TRIM37: variants seen among roughly 807,000 people sequenced by gnomAD.
The protein encoded by TRIM37 is E3 ubiquitin-protein ligase TRIM37.
Under a neutral mutation model 129.8 loss-of-function variants are expected in TRIM37, and 80 were observed. The ratio of observed to expected loss-of-function variants is 0.62; its 90% confidence interval spans 0.51 to 0.74. The LOEUF (loss-of-function observed/expected upper bound fraction) is 0.74, where lower values mean the gene tolerates loss of function less well. TRIM37 is among the 30% of genes least tolerant of loss of function. TRIM37 has a pLI of 0.00. For synonymous variants in TRIM37, 389 were observed against 387.1 expected, an observed-to-expected ratio of 1.00 and a Z score of -0.06; for missense variants, 1,054 against 1,176.5, an observed-to-expected ratio of 0.90 and a Z score of 1.52.
exon 25 of TRIM37, chr17:58,982,750 C>T (rs778545325): frequency 2.8e-5 from 16 of 561,654 alleles, no homozygotes; most frequent in South Asian, 2.1e-4. Flanking sequence ...CTTCTTCTCA[C>T]GTCTGTGACA....
rs1462137045 is a variant in TRIM37 at position 59,079,731 on chromosome 17, C to T, written c.616+23G>A. 4 of 1,613,572 alleles carry T rather than the reference C, an allele frequency of 2.5e-6. No individual in the cohort carries two copies. The Admixed American group carries it at 6.7e-5, about 27-fold the overall frequency. On this transcript the variant is annotated intron_variant, in intron 7 of 23. Transcript: ENST00000262294. ...AAGAAGCTGAAAGCACCAGGTACCC[C>T]AGCAGCATACATAAACACTTACCCA...
downstream of TRIM37, among the ~76,000 whole-genome samples, chr17:58,997,106 C>T (rs35952494): frequency 0.14 from 21,933 of 152,052 alleles, 1,999 homozygotes; most frequent in Non-Finnish European, 0.21. Context: ...AGAAAAAGAA[C>T]ATTTGTGAAA....
chr17:58,995,038 T>C (rs547425314), downstream of TRIM37, among the ~76,000 whole-genome samples: 1 of 152,254 alleles, frequency 6.6e-6, no homozygotes, highest in Non-Finnish European at 1.5e-5. Context: ...CATGAGCCAC[T>C]GTGCCCGGCC....
chr17:59,038,314 A>T (rs2038781983), intron 17 of TRIM37, among the ~76,000 whole-genome samples: 1 of 152,198 alleles, frequency 6.6e-6, no homozygotes. Flanking sequence ...TTGTTCATAA[A>T]TATACTCACC....
At chr17:59,054,058 T>C (rs893246496) in intron 13 of TRIM37, among the ~76,000 whole-genome samples, 4 of 152,316 alleles carry the variant, frequency 2.6e-5, no homozygotes, top group South Asian at 2.1e-4. Context: ...GCTGATATGA[T>C]AGCAACTCAT....
At chr17:59,071,668 C>A (rs1229399157) in intron 8 of TRIM37, among the ~76,000 whole-genome samples, 3 of 151,128 alleles carry the variant, frequency 2.0e-5, no homozygotes, top group African/African-American at 7.3e-5. Context: ...CCCGTGTGTA[C>A]ACACACACAC....
chr17:58,990,012 C>T (rs1218518668), intron 24 of TRIM37, among the ~76,000 whole-genome samples: 3 of 150,262 alleles, frequency 2.0e-5, no homozygotes, highest in African/African-American at 7.4e-5. Flanking sequence ...GCAGTGAGAC[C>T]CCCTCTGAAA....
intron 7 of TRIM37, among the ~76,000 whole-genome samples, chr17:59,077,134 G>A (rs2042877621): frequency 6.6e-6 from 1 of 151,940 alleles, no homozygotes; most frequent in African/African-American, 2.4e-5. Flanking sequence ...TCATTCTGTT[G>A]CCCAGGCTGG....
At chr17:58,989,218 C>T (rs1168106535) in intron 24 of TRIM37, among the ~76,000 whole-genome samples, 4 of 151,890 alleles carry the variant, frequency 2.6e-5, no homozygotes, top group African/African-American at 9.7e-5. Context: ...GGAGGATTGC[C>T]TGAGGTCATG....
Position 58,999,231 on chromosome 17 carries a change from C to T in TRIM37, c.*146G>A. On this transcript the variant is annotated 3_prime_UTR_variant, in exon 24 of 24. Transcript: ENST00000262294. The stretch of plus-strand genomic sequence containing the variant: ...TCTTAGACTAAACTGTGCCACCTTC[C>T]AACAGTTTCCAAATTACTATTTCAG... The T allele has an allele frequency of 6.4e-7, 1 of 1,560,612 alleles. No individual in the cohort carries two copies. Among genetic ancestry groups the T allele is most frequent in the Non-Finnish European group, 8.7e-7 (1 of 1,155,290 alleles).
At chr17:59,039,915 T>C (rs1433412959) in intron 17 of TRIM37, among the ~76,000 whole-genome samples, 1 of 152,140 alleles carries the variant, frequency 6.6e-6, no homozygotes, top group African/African-American at 2.4e-5. Context: ...TTTCTATTTT[T>C]GACACAGGGT....
chr17:59,045,312 G>C (rs1238430636), intron 16 of TRIM37, among the ~76,000 whole-genome samples: 1 of 151,282 alleles, frequency 6.6e-6, no homozygotes, highest in Admixed American at 6.6e-5. Flanking sequence ...CTGGGGGACA[G>C]AGCGAGACTC....
At chr17:59,032,526 C>T (rs561693487) in intron 17 of TRIM37, among the ~76,000 whole-genome samples, 2 of 104,966 alleles carry the variant, frequency 1.9e-5, no homozygotes, top group African/African-American at 3.7e-5. Context: ...AGCGAGACTC[C>T]GTCTCAAAAA....
chr17:59,100,771 C>T (rs2045380217), intron 2 of TRIM37, among the ~76,000 whole-genome samples: 1 of 152,002 alleles, frequency 6.6e-6, no homozygotes, highest in Non-Finnish European at 1.5e-5. Context: ...ATCTGTAATC[C>T]TAGCACTTTG....
chr17:59,001,469 AG>A (rs375727478), intron 23 of TRIM37, 128 bp downstream of exon 23: 10 of 1,067,724 alleles, frequency 9.4e-6, no homozygotes, highest in South Asian at 2.9e-5. Flanking sequence ...AAAAAAAAAA[AG>A]AAGTAGAAGC....
chr17:58,996,469 CAA>C (rs776770215), downstream of TRIM37, among the ~76,000 whole-genome samples: 40 of 78,992 alleles, frequency 5.1e-4, no homozygotes, highest in Admixed American at 1.2e-3. Context: ...GAACCTGTCT[CAA>C]AAAAAAAAAA....
At chr17:59,031,063 G>A (rs1348841008) in intron 18 of TRIM37, among the ~76,000 whole-genome samples, 1 of 152,126 alleles carries the variant, frequency 6.6e-6, no homozygotes, top group Non-Finnish European at 1.5e-5. Context: ...GAAAGAAGAA[G>A]CCTAAATAAT....
intron 9 of TRIM37, among the ~76,000 whole-genome samples, chr17:59,068,952 T>C (rs1809851096): frequency 6.6e-6 from 1 of 152,122 alleles, no homozygotes. Context: ...AAACATCTTA[T>C]AAAACACAGG....
At chr17:58,972,906 G>A in the TRIM37 span, 1 of 1,612,920 alleles carries the variant, frequency 6.2e-7, no homozygotes, top group Non-Finnish European at 8.5e-7. Flanking sequence ...ATGGAAGTCT[G>A]TCGGTTTCCA....
Sources: gnomAD v4.1 joint callset for allele counts (sites outside exome capture counted in the v4.1 genomes callset) on GRCh38, gnomAD v4.1.1 for gene constraint, MANE v1.5 for transcripts, NCBI Gene and HGNC (gene_info 2026-07-23, HGNC 2026-07-21) for gene names.